NCKAP1L: variants seen among roughly 807,000 people sequenced by gnomAD.
The protein encoded by NCKAP1L is nck-associated protein 1-like.
A neutral mutation model predicts 139.2 loss-of-function variants in NCKAP1L; 53 were observed. The observed-to-expected ratio is 0.38, with a 90% CI of 0.31 to 0.48. NCKAP1L has a LOEUF of 0.48. Among genes scored for constraint, NCKAP1L ranks in the 20% least tolerant of loss-of-function variants. NCKAP1L has a pLI of 0.98. For missense variants in NCKAP1L, 1,151 were observed against 1,381.9 expected, an observed-to-expected ratio of 0.83 and a Z score of 2.65; for synonymous variants, 468 against 499.7, an observed-to-expected ratio of 0.94 and a Z score of 0.85.
intron 3 of NCKAP1L, among the ~76,000 whole-genome samples, chr12:54,504,540 G>C (rs1303326851): frequency 6.6e-6 from 1 of 152,180 alleles, no homozygotes; most frequent in Non-Finnish European, 1.5e-5. Flanking sequence ...AACACCTTCT[G>C]GTTGCTGCAG....
At chr12:54,528,938 G>A (rs778212182) in intron 22 of NCKAP1L, among the ~76,000 whole-genome samples, 14 of 152,068 alleles carry the variant, frequency 9.2e-5, no homozygotes, top group Non-Finnish European at 1.5e-4. Flanking sequence ...CCCAGCCAGC[G>A]TCTTATGCTT....
intron 10 of NCKAP1L, 68 bp downstream of exon 10, chr12:54,516,363 C>T: frequency 7.1e-7 from 1 of 1,417,374 alleles, no homozygotes; most frequent in Non-Finnish European, 1.0e-6. Flanking sequence ...TTTGTTCTCA[C>T]CTAAGCCATC....
intron 21 of NCKAP1L, among the ~76,000 whole-genome samples, chr12:54,527,367 C>A (rs1347535163): frequency 6.6e-6 from 1 of 152,132 alleles, no homozygotes; most frequent in Admixed American, 6.5e-5. Flanking sequence ...CAAGGGGAAA[C>A]AAAGTTTGCA....
intron 21 of NCKAP1L, among the ~76,000 whole-genome samples, chr12:54,527,009 T>C (rs1957032270): frequency 6.6e-6 from 1 of 152,204 alleles, no homozygotes; most frequent in African/African-American, 2.4e-5. Context: ...TAATATCTAG[T>C]TCTTAACCTT....
intron 3 of NCKAP1L, among the ~76,000 whole-genome samples, chr12:54,501,646 A>G (rs1416067397): frequency 6.6e-6 from 1 of 152,100 alleles, no homozygotes; most frequent in Non-Finnish European, 1.5e-5. Flanking sequence ...CTGGGGCTAA[A>G]GGCACATGCC....
rs969370620 is a variant in NCKAP1L, at chr12:54,506,600, T to A, written c.307-1253T>A. ...TGCCACCACACCCAGCTAATTTTTT[T>A]TATTTTTATTTTTAGTAGAGATGGG... On this transcript the variant is annotated intron_variant, in intron 3 of 30. Transcript: ENST00000293373. 1.6e-4 allele frequency among the ~76,000 whole-genome samples: 24 copies of A among 147,750 alleles called. No homozygotes were observed. In the East Asian group the frequency reaches 2.4e-3, roughly 15 times the overall value.
intron 10 of NCKAP1L, 61 bp downstream of exon 10, chr12:54,516,356 G>A: frequency 6.7e-7 from 1 of 1,499,416 alleles, no homozygotes; most frequent in Non-Finnish European, 9.3e-7. Context: ...TCTCACTTTT[G>A]TTCTCACCTA....
At chr12:54,499,251 G>A (rs939778015) in intron 1 of NCKAP1L, 104 bp from the exon 2 acceptor site, 4 of 694,292 alleles carry the variant, frequency 5.8e-6, no homozygotes, top group African/African-American at 1.8e-5. Context: ...TAGTTCCCAG[G>A]TTGCCTTTTC....
chr12:54,517,091 C>A, intron 11 of NCKAP1L, 99 bp downstream of exon 11: 2 of 978,806 alleles, frequency 2.0e-6, no homozygotes, highest in Non-Finnish European at 3.2e-6. Context: ...AGTCTTTTGT[C>A]ATTCATTTGT....
intron 18 of NCKAP1L, 125 bp from the exon 19 acceptor site, chr12:54,523,269 G>C: frequency 2.6e-6 from 3 of 1,141,128 alleles, no homozygotes; most frequent in Non-Finnish European, 3.7e-6. Flanking sequence ...TGTGTGGAAG[G>C]AAAGAGAGAG....
rs1423033445 is a variant in NCKAP1L at position 54,535,300 on chromosome 12, A to G, written c.2956+103A>G. ...AAGAAGCCTTTATTTGAGATTATAT[A>G]TTCAGAGGATATAAGCTGGGAGTGA... On this transcript the variant is annotated intron_variant, in intron 27 of 30. Coordinates refer to ENST00000293373, the MANE Select transcript of NCKAP1L (RefSeq NM_005337.5). 6.1e-6 allele frequency: 5 copies of G among 826,136 alleles called. No homozygotes were observed. In the Admixed American group the frequency reaches 1.2e-4, roughly 20 times the overall value. The allele number at this position is 826,136 out of a possible 1,614,324, so 51.2% of individuals were successfully genotyped here.
At position 54,526,536 on chromosome 12, in the gene NCKAP1L, T is replaced by C; in HGVS notation, c.2165T>C (p.Val722Ala). 6.2e-7 allele frequency: 1 copy of C among 1,613,734 alleles called. No homozygotes were observed. Residue 722 changes from valine to alanine, a missense_variant, in exon 21 of 31, where the codon GTG becomes GCG. Coordinates refer to ENST00000293373, the MANE Select transcript of NCKAP1L (RefSeq NM_005337.5). ...TTTTTTAAATCACCTAGAGCCATTG[T>C]GTGGCTGGCTGGCTACAATGCCACG... is the stretch of plus-strand genomic sequence containing the variant. ...HLEARLNRAI[V>A]WLAGYNATTQ... is the part of the protein sequence containing the mutation.
chr12:54,535,072 T>C, intron 26 of NCKAP1L, 32 bp from the exon 27 acceptor site: 1 of 1,577,888 alleles, frequency 6.3e-7, no homozygotes, highest in South Asian at 1.1e-5. Flanking sequence ...GTCCTGCGAA[T>C]CCTCTCTAGA....
chr12:54,502,264 T>G (rs1025082647), intron 3 of NCKAP1L, among the ~76,000 whole-genome samples: 9 of 152,234 alleles, frequency 5.9e-5, no homozygotes, highest in Non-Finnish European at 1.3e-4. Context: ...AGCATTTCCT[T>G]TGAGTGTCTT....
chr12:54,514,375 G>A (rs960398135), intron 9 of NCKAP1L, among the ~76,000 whole-genome samples: 1 of 151,086 alleles, frequency 6.6e-6, no homozygotes, highest in Non-Finnish European at 1.5e-5. Flanking sequence ...AGGCTGGAGT[G>A]CAATGGTGCC....
At position 54,520,820 on chromosome 12, in the gene NCKAP1L, A is replaced by G; in HGVS notation, c.1752A>G (p.Pro584=). The change falls in exon 17 of 31, where the codon CCA becomes CCG. Residue 584 remains proline (P), a synonymous_variant. Transcript: ENST00000293373. Reference sequence around the variant, plus strand: ...TCCACTGCACTCATGAGATGTGCCCAGAGGAGGTAGGTATCCTGATCTCCA... The same window carrying G: ...TCCACTGCACTCATGAGATGTGCCCGGAGGAGGTAGGTATCCTGATCTCCA... ...HFVHCTHEMC[P]EEYPHLKNHG... 2 of 1,614,148 alleles carry G rather than the reference A, an allele frequency of 1.2e-6. No individual in the cohort carries two copies. The highest frequency in any genetic ancestry group is 1.7e-6 in the Non-Finnish European group (2 of 1,180,034).
chr12:54,523,805 A>C lies in NCKAP1L; in HGVS notation c.2025-20A>C, dbSNP rs774645716. ...GCAGGCAGTGCCAGACCTGTAATCC[A>C]GGCTCATTTTCCTTTCTAGCATGGA... On this transcript the variant is annotated intron_variant, in intron 19 of 30. Transcript: ENST00000293373. 1.2e-6 allele frequency: 2 copies of C among 1,608,772 alleles called. No homozygotes were observed. The highest frequency in any genetic ancestry group is 2.7e-5 in the African/African-American group (2 of 74,858).
intron 16 of NCKAP1L, among the ~76,000 whole-genome samples, chr12:54,519,972 C>G (rs1043320919): frequency 2.0e-5 from 3 of 151,432 alleles, no homozygotes; most frequent in African/African-American, 4.9e-5. Context: ...AAGTGAGAGG[C>G]CTAGAGAATA....
chr12:54,531,251 C>G lies in NCKAP1L; in HGVS notation c.2507-9C>G. On this transcript the variant is annotated splice_polypyrimidine_tract_variant and intron_variant, in intron 22 of 30. Coordinates refer to ENST00000293373, the MANE Select transcript of NCKAP1L (RefSeq NM_005337.5). ...AGTCCCATCTGGGGCCTCTGTAACT[C>G]TGTTCCAGAGATGCGGGCCTTGGCA... 1.2e-6 allele frequency: 2 copies of G among 1,609,546 alleles called. No individual in the cohort carries two copies. Among genetic ancestry groups the G allele is most frequent in the South Asian group, 1.1e-5 (1 of 90,986 alleles).
Sources: allele counts gnomAD v4.1 joint callset (sites outside exome capture counted in the v4.1 genomes callset), GRCh38; gene constraint gnomAD v4.1.1; transcripts MANE v1.5; gene names NCBI Gene and HGNC (gene_info 2026-07-23, HGNC 2026-07-21).